Variants in ATRN observed in about 807,000 individuals in gnomAD.
The protein encoded by ATRN is attractin, also known as attractin-2.
Under a neutral mutation model 178.7 loss-of-function variants are expected in ATRN, and 54 were observed. That is an observed-to-expected ratio of 0.30 (90% CI 0.24 to 0.38). ATRN has a LOEUF of 0.38. ATRN is among the 10% of genes least tolerant of loss of function. ATRN has a pLI of 1.00. For synonymous variants in ATRN, 636 were observed against 663.0 expected, an observed-to-expected ratio of 0.96 and a Z score of 0.63; for missense variants, 1,443 against 1,815.1, an observed-to-expected ratio of 0.79 and a Z score of 3.73.
rs235532 is a variant in ATRN, at chr20:3,594,601, G to T, written c.3416+29G>T. 91 of 1,582,774 alleles carry T rather than the reference G, an allele frequency of 5.7e-5. No individual in the cohort carries two copies. The East Asian group carries it at 1.2e-3, about 21-fold the overall frequency. On this transcript the variant is annotated intron_variant, in intron 20 of 28. Transcript: ENST00000262919. ...AGTACCATACTCCCTGGACCACCAG[G>T]GAGGACCAAGAGGCTGTGCAGCTGC...
Position 3,609,266 on chromosome 20 carries a change from G to A in ATRN, c.3801+5004G>A, listed in dbSNP as rs142610334. On this transcript the variant is annotated intron_variant, in intron 24 of 28. Transcript: ENST00000262919. ...CCTCCTTGGTTAGATTTATTCCTAC[G>A]GTTGTTTTTGGAAGTTTTAAAAAAA... Among the ~76,000 whole-genome samples the A allele has an allele frequency of 4.6e-5, 7 of 151,974 alleles. No individual in the cohort carries two copies. The East Asian group carries it at 1.2e-3, about 25-fold the overall frequency.
At chr20:3,562,236 G>T (rs376147226) in intron 8 of ATRN, 40 bp from the exon 9 acceptor site, 298 of 1,548,126 alleles carry the variant, frequency 1.9e-4, no homozygotes, top group Non-Finnish European at 2.5e-4. Flanking sequence ...TAGAGAGGAG[G>T]AGCCTGCCAT....
At chr20:3,528,082 A>C (rs2146165295) in intron 1 of ATRN, among the ~76,000 whole-genome samples, 1 of 152,138 alleles carries the variant, frequency 6.6e-6, no homozygotes, top group African/African-American at 2.4e-5. Flanking sequence ...AAACAAAAAA[A>C]CCAGAAGGCC....
chr20:3,638,926 G>T lies in ATRN; in HGVS notation c.4041G>T (p.Gly1347=). 6.2e-7 allele frequency: 1 copy of T among 1,613,796 alleles called. No individual in the cohort carries two copies. The highest frequency in any genetic ancestry group is 8.5e-7 in the Non-Finnish European group (1 of 1,179,810). Reference sequence around the variant, plus strand: ...AGGAGCCTCCTGATCTTATTGGGGGGAGTATAAAGGTGAGAATGTGACTCA... The same window carrying T: ...AGGAGCCTCCTGATCTTATTGGGGGTAGTATAAAGGTGAGAATGTGACTCA... ...TDEEPPDLIG[G]SIKTVPKPIA... is the part of the protein sequence containing the mutation. Residue 1347 remains glycine, a synonymous_variant, in exon 27 of 29, where the codon GGG becomes GGT. Coordinates refer to ENST00000262919, the MANE Select transcript of ATRN (RefSeq NM_139321.3). The surrounding 1 kb of genome is among the most constrained non-coding windows in gnomAD (Gnocchi z 4.5).
At chr20:3,511,729 C>T (rs1377856895) in intron 1 of ATRN, among the ~76,000 whole-genome samples, 2 of 151,958 alleles carry the variant, frequency 1.3e-5, no homozygotes, top group African/African-American at 4.8e-5. Context: ...AGATCAACAA[C>T]GAAGAAAGAC....
At chr20:3,570,192 A>G (rs1201670315) in intron 11 of ATRN, among the ~76,000 whole-genome samples, 2 of 151,994 alleles carry the variant, frequency 1.3e-5, no homozygotes, top group African/African-American at 2.4e-5. Flanking sequence ...AATAAGATCC[A>G]TATGTTACAA....
At chr20:3,572,982 A>T (rs1351185734) in intron 12 of ATRN, 31 bp downstream of exon 12, 2 of 1,587,248 alleles carry the variant, frequency 1.3e-6, no homozygotes, top group Non-Finnish European at 1.7e-6. Flanking sequence ...TTAGATTTTA[A>T]TGAATTTGAG....
chr20:3,527,773 GACATGA>G (rs2085388784), intron 1 of ATRN, among the ~76,000 whole-genome samples: 1 of 152,112 alleles, frequency 6.6e-6, no homozygotes, highest in Non-Finnish European at 1.5e-5. Context: ...CCTTTGCAGG[GACATGA>G]TGAGGCTGGA....
chr20:3,509,749 C>T (rs891711469), intron 1 of ATRN, among the ~76,000 whole-genome samples: 2 of 152,178 alleles, frequency 1.3e-5, no homozygotes, highest in Non-Finnish European at 2.9e-5. Flanking sequence ...AGCTATCCAC[C>T]TGCCTTGGCC....
At chr20:3,535,214 A>G in intron 1 of ATRN, 39 bp from the exon 2 acceptor site, 1 of 954,402 alleles carries the variant, frequency 1.0e-6, no homozygotes, top group Non-Finnish European at 1.5e-6. Flanking sequence ...TGAAATTAAT[A>G]TAGCAGACTT....
Position 3,650,035 on chromosome 20 carries a change from C to G in ATRN, c.*3188C>G, listed in dbSNP as rs2087135276. On this transcript the variant is annotated 3_prime_UTR_variant, in exon 29 of 29. Coordinates refer to ENST00000262919, the MANE Select transcript of ATRN (RefSeq NM_139321.3). ...GGCAACCCCAGATCCCCTGAGCTAA[C>G]CCGGAGGAAAGGCAGTCCTGGACAG... 1 of 152,242 alleles carries G rather than the reference C, an allele frequency of 6.6e-6. No individual in the cohort carries two copies. 9.4% of individuals were successfully genotyped at this position (152,242 alleles called of 1,614,324 possible).
At position 3,531,797 on chromosome 20, in the gene ATRN, AAAC is replaced by A. The variant is rs144998439; in HGVS notation, c.411-3432_411-3430del. On this transcript the variant is annotated intron_variant, in intron 1 of 28. Transcript: ENST00000262919. ...TCAGAGTAACTGGGGAAGTGGGTTA[AAAC>A]AACAACAACAACAACAACAACAAGA... is the stretch of plus-strand genomic sequence containing the variant. Among the ~76,000 whole-genome samples, 162 of 151,820 alleles carry A rather than the reference AAAC, an allele frequency of 1.1e-3. 1 individual carries two copies. The highest frequency in any genetic ancestry group is 1.4e-3 in the Non-Finnish European group (96 of 67,932).
rs147729396 is a variant in ATRN at position 3,549,305 on chromosome 20, T to A, written c.1079T>A (p.Met360Lys). The A allele has an allele frequency of 1.2e-6, 2 of 1,606,706 alleles. No homozygotes were observed. The part of the protein sequence containing the change: ...GNIMWVVGGY[M>K]FNHSDYNMVL... The stretch of plus-strand genomic sequence containing the variant: ...ATTATGTGGGTTGTTGGAGGATATA[T>A]GTTCAACCACTCAGATTATAACATG... The change falls in exon 6 of 29, where the codon ATG becomes AAG. Residue 360 changes from methionine to lysine, a missense_variant. Physicochemically the swap from Met to Lys is moderately conservative, Grantham distance 95 (BLOSUM62 -1). Transcript: ENST00000262919.
chr20:3,512,531 A>G (rs578100911), intron 1 of ATRN, among the ~76,000 whole-genome samples: 3 of 152,070 alleles, frequency 2.0e-5, no homozygotes, highest in Admixed American at 2.0e-4. Context: ...GGTTGGTTCC[A>G]AGTCTTTGCT....
At position 3,584,641 on chromosome 20, in the gene ATRN, T is replaced by C. The variant is rs749333625; in HGVS notation, c.2951-6T>C. Reference sequence around the variant, plus strand: ...ATAGTCAATTGCAACTTTTTTTTTTTAATAGCTGAAAATTGTTCAGGCTAC... The same window carrying C: ...ATAGTCAATTGCAACTTTTTTTTTTCAATAGCTGAAAATTGTTCAGGCTAC... On this transcript the variant is annotated splice_region_variant and splice_polypyrimidine_tract_variant and intron_variant, in intron 17 of 28. Coordinates refer to ENST00000262919, the MANE Select transcript of ATRN (RefSeq NM_139321.3). 3 of 1,594,588 alleles carry C rather than the reference T, an allele frequency of 1.9e-6. No individual in the cohort carries two copies. Among genetic ancestry groups the C allele is most frequent in the East Asian group, 4.5e-5 (2 of 44,660 alleles).
intron 1 of ATRN, among the ~76,000 whole-genome samples, chr20:3,507,365 C>T (rs1047233344): frequency 3.3e-5 from 5 of 149,916 alleles, no homozygotes; most frequent in East Asian, 2.0e-4. Context: ...ACCGAGATCG[C>T]GCCACTGCAC....
chr20:3,557,148 T>C (rs1418457474), intron 6 of ATRN, among the ~76,000 whole-genome samples: 1 of 152,186 alleles, frequency 6.6e-6, no homozygotes, highest in Non-Finnish European at 1.5e-5. Flanking sequence ...AGCTTTGCAG[T>C]GGTATGCAGT....
Position 3,604,081 on chromosome 20 carries a change from T to C in ATRN, c.3644-24T>C, listed in dbSNP as rs571853105. ...CTAGCCCCCCAAAAAATGTCTCTTC[T>C]CTTTCATGTTTTTCTTTTAACAGCT... is the stretch of plus-strand genomic sequence containing the variant. On this transcript the variant is annotated intron_variant, in intron 23 of 28. Coordinates refer to ENST00000262919, the MANE Select transcript of ATRN (RefSeq NM_139321.3). 8 of 1,555,990 alleles carry C rather than the reference T, an allele frequency of 5.1e-6. No homozygotes were observed. In the African/African-American group the frequency reaches 8.3e-5, roughly 16 times the overall value.
chr20:3,500,715 T>C (rs563753021), intron 1 of ATRN, among the ~76,000 whole-genome samples: 66 of 146,596 alleles, frequency 4.5e-4, no homozygotes, highest in Middle Eastern at 3.4e-3. Flanking sequence ...AGGGATAGCA[T>C]TGGGAGACAT....
Sources: gnomAD v4.1 joint callset for allele counts (sites outside exome capture counted in the v4.1 genomes callset) on GRCh38, gnomAD v4.1.1 for gene constraint, Gnocchi (gnomAD v3.1) non-coding constraint, MANE v1.5 for transcripts, NCBI Gene and HGNC (gene_info 2026-07-23, HGNC 2026-07-21) for gene names.